GRK5: variants seen among roughly 807,000 people sequenced by gnomAD.
GRK5 encodes the protein G protein-coupled receptor kinase 5.
In GRK5, 40 loss-of-function variants were observed where a neutral mutation model predicts 78.4. That is an observed-to-expected ratio of 0.51 (90% CI 0.40 to 0.66). The LOEUF (loss-of-function observed/expected upper bound fraction) is 0.66, where lower values mean the gene tolerates loss of function less well. Ranked by LOEUF, GRK5 falls within the 30% of genes least tolerant of loss-of-function variation. GRK5 has a pLI of 0.00. For synonymous variants in GRK5, 289 were observed against 296.8 expected, an observed-to-expected ratio of 0.97 and a Z score of 0.27; for missense variants, 598 against 759.9, an observed-to-expected ratio of 0.79 and a Z score of 2.50.
At chr10:119,233,522 G>A (rs1280453937) in intron 1 of GRK5, among the ~76,000 whole-genome samples, 1 of 151,500 alleles carries the variant, frequency 6.6e-6, no homozygotes, top group East Asian at 1.9e-4. Flanking sequence ...TGGGGTGGGG[G>A]AGAGAGAGAG....
At chr10:119,417,046 G>A (rs1169448398) in intron 4 of GRK5, among the ~76,000 whole-genome samples, 1 of 152,222 alleles carries the variant, frequency 6.6e-6, no homozygotes, top group Non-Finnish European at 1.5e-5. Context: ...GGGTGAAGGA[G>A]CATAGGGAAG....
rs1849457582 is a variant in GRK5 at position 119,264,295 on chromosome 10, A to G, written c.52+56326A>G. Among the ~76,000 whole-genome samples, 1 of 152,152 alleles carries G rather than the reference A, an allele frequency of 6.6e-6. No homozygotes were observed. The highest frequency in any genetic ancestry group is 2.4e-5 in the African/African-American group (1 of 41,436). ...GCTCAACTCCAACTAGCTTAAGCAA[A>G]ACAAATAAACAAAAACCTCCAGGGC... is the stretch of plus-strand genomic sequence containing the variant. On this transcript the variant is annotated intron_variant, in intron 1 of 15. Transcript: ENST00000392870. The surrounding 1 kb of genome is among the most constrained non-coding windows in gnomAD (Gnocchi z 4.1).
At chr10:119,366,518 T>A (rs1851453103) in intron 2 of GRK5, among the ~76,000 whole-genome samples, 1 of 152,200 alleles carries the variant, frequency 6.6e-6, no homozygotes, top group Non-Finnish European at 1.5e-5. Flanking sequence ...GGGCAGCTAC[T>A]CGGCTCAGCT....
rs535031740 is a variant in GRK5 at position 119,315,913 on chromosome 10, C to G, written c.53-10603C>G. Among the ~76,000 whole-genome samples the G allele has an allele frequency of 2.0e-5, 3 of 152,328 alleles. No homozygotes were observed. In the South Asian group the frequency reaches 6.2e-4, roughly 32 times the overall value. On this transcript the variant is annotated intron_variant, in intron 1 of 15. Transcript: ENST00000392870. ...AATTCATAGTCGAAAGACCCCGCTT[C>G]ATGACATAGTTTGGGTTTCTAACAA...
At chr10:119,328,764 G>A (rs952470605) in intron 2 of GRK5, among the ~76,000 whole-genome samples, 11 of 152,242 alleles carry the variant, frequency 7.2e-5, no homozygotes, top group African/African-American at 2.2e-4. Flanking sequence ...GGGCACCTGC[G>A]CACAGCCACG....
intron 2 of GRK5, among the ~76,000 whole-genome samples, chr10:119,343,142 C>G (rs768419460): frequency 6.6e-6 from 1 of 152,170 alleles, no homozygotes; most frequent in Admixed American, 6.5e-5. Flanking sequence ...GGGTGACAGC[C>G]CTGTGCAAGT....
chr10:119,291,971 T>TCTC (rs1849977512), intron 1 of GRK5, among the ~76,000 whole-genome samples: 1 of 11,384 alleles, frequency 8.8e-5, no homozygotes, highest in Non-Finnish European at 1.9e-4. Flanking sequence ...TCTTCCTCCT[T>TCTC]CTCCTCCTCT....
intron 2 of GRK5, among the ~76,000 whole-genome samples, chr10:119,358,148 T>C (rs1447816717): frequency 2.6e-5 from 4 of 152,088 alleles, no homozygotes; most frequent in Non-Finnish European, 4.4e-5. Flanking sequence ...CTTGCCTGAG[T>C]TCCTGGAGCA....
chr10:119,427,408 C>T (rs1484440411), intron 6 of GRK5, among the ~76,000 whole-genome samples: 2 of 151,252 alleles, frequency 1.3e-5, no homozygotes, highest in African/African-American at 2.4e-5. Context: ...CTGCCATCAA[C>T]AGCGTCACCA....
chr10:119,264,578 C>T lies in GRK5; in HGVS notation c.52+56609C>T, dbSNP rs1215130742. The stretch of plus-strand genomic sequence containing the variant: ...CCTCTCCCAGCAGCTGTATGTCAAA[C>T]ATCATCAAGGCATGATTCTCATCGG... On this transcript the variant is annotated intron_variant, in intron 1 of 15. Coordinates refer to ENST00000392870, the MANE Select transcript of GRK5 (RefSeq NM_005308.3). This position sits in a 1 kb window ranked among gnomAD's most constrained non-coding sequence, Gnocchi z 4.1. 1.3e-5 allele frequency among the ~76,000 whole-genome samples: 2 copies of T among 152,206 alleles called. No homozygotes were observed. The highest frequency in any genetic ancestry group is 6.5e-5 in the Admixed American group (1 of 15,284).
intron 1 of GRK5, among the ~76,000 whole-genome samples, chr10:119,275,125 G>A (rs1010513139): frequency 1.3e-5 from 2 of 152,174 alleles, no homozygotes; most frequent in African/African-American, 4.8e-5. Flanking sequence ...GCTCAGCTTC[G>A]TAGGTGGTGG....
intron 4 of GRK5, among the ~76,000 whole-genome samples, chr10:119,417,648 C>G (rs928680063): frequency 1.6e-5 from 2 of 121,402 alleles, no homozygotes; most frequent in African/African-American, 6.5e-5. Context: ...CTGAATATCC[C>G]AGAGGTTTCT....
chr10:119,276,075 T>C (rs1451538126), intron 1 of GRK5, among the ~76,000 whole-genome samples: 3 of 152,210 alleles, frequency 2.0e-5, no homozygotes, highest in South Asian at 2.1e-4. Context: ...TGGGTTTTGA[T>C]TGTAAAGGCA....
intron 2 of GRK5, among the ~76,000 whole-genome samples, chr10:119,373,480 C>T (rs1030333283): frequency 5.9e-5 from 9 of 152,322 alleles, no homozygotes; most frequent in East Asian, 1.9e-4. Context: ...CCCTTGCAAA[C>T]GCTCTGTCTT....
At chr10:119,408,341 CAA>C (rs67973033) in intron 4 of GRK5, among the ~76,000 whole-genome samples, 3 of 48,698 alleles carry the variant, frequency 6.2e-5, no homozygotes, top group South Asian at 1.0e-3. Context: ...AACCCTGTCT[CAA>C]AAAAAAAAAA....
chr10:119,436,956 C>T, intron 9 of GRK5, 115 bp downstream of exon 9: 2 of 976,634 alleles, frequency 2.0e-6, no homozygotes, highest in East Asian at 5.5e-5. Flanking sequence ...TGGTCAGCAC[C>T]AGGGGAGGAT....
chr10:119,295,369 G>A (rs968410524), intron 1 of GRK5, among the ~76,000 whole-genome samples: 2 of 151,816 alleles, frequency 1.3e-5, no homozygotes, highest in African/African-American at 2.4e-5. Flanking sequence ...ATTGCTGGTG[G>A]GAATGTAAAC....
At chr10:119,436,589 G>A in intron 8 of GRK5, 62 bp from the exon 9 acceptor site, 1 of 1,515,616 alleles carries the variant, frequency 6.6e-7, no homozygotes, top group Non-Finnish European at 9.1e-7. Flanking sequence ...ATCCTGAGGA[G>A]GGAAGTGGAA....
At position 119,207,678 on chromosome 10, in the gene GRK5, G is replaced by A. The variant is rs1848407133; in HGVS notation, c.-240G>A. 4 of 422,632 alleles carry A rather than the reference G, an allele frequency of 9.5e-6. No individual in the cohort carries two copies. In the East Asian group the frequency reaches 1.6e-4, roughly 17 times the overall value. The allele number at this position is 422,632 out of a possible 1,614,324, so 26.2% of individuals were successfully genotyped here. A position where few individuals can be genotyped will look rare whatever the true frequency, so the allele number is the denominator to read the frequency against. On this transcript the variant is annotated 5_prime_UTR_variant, in exon 1 of 16. Transcript: ENST00000392870. Reference sequence around the variant, plus strand: ...TGGGGGGGAGCGTGTTGAGGGAGGGGGGAGGGGGGACACAGAGGGAGGAAG... The same window carrying A: ...TGGGGGGGAGCGTGTTGAGGGAGGGAGGAGGGGGGACACAGAGGGAGGAAG...
Sources: gnomAD v4.1 joint callset for allele counts (sites outside exome capture counted in the v4.1 genomes callset) on GRCh38, gnomAD v4.1.1 for gene constraint, Gnocchi (gnomAD v3.1) non-coding constraint, MANE v1.5 for transcripts, NCBI Gene and HGNC (gene_info 2026-07-23, HGNC 2026-07-21) for gene names.